Variants in ZNF567 observed in about 807,000 individuals in gnomAD.
The protein encoded by ZNF567 is zinc finger protein 567.
In ZNF567, 36 loss-of-function variants were observed where a neutral mutation model predicts 53.9. The observed-to-expected ratio is 0.67, with a 90% confidence interval of 0.51 to 0.88. The LOEUF is 0.88. Ranked by LOEUF, ZNF567 falls within the 40% of genes least tolerant of loss-of-function variation. The pLI is 0.00. For synonymous variants in ZNF567, 224 were observed against 260.4 expected (o/e 0.86, Z 1.35); for missense variants, 619 against 764.7 (o/e 0.81, Z 2.25).
downstream of ZNF567, among the ~76,000 whole-genome samples, chr19:36,721,732 C>CTTTTTTTTTTTTTTTTTTTTT (rs756276834): frequency 1.6e-5 from 2 of 121,672 alleles, no homozygotes; most frequent in Admixed American, 2.0e-4. Context: ...GTACCAGAGT[C>CTTTTTTTTTTTTTTTTTTTTT]TTTTTTTTTT....
At chr19:36,689,232 TGA>T (rs756898840) in intron 1 of ZNF567, among the ~76,000 whole-genome samples, 163 bp from the exon 2 acceptor site, 6 of 129,368 alleles carry the variant, frequency 4.6e-5, no homozygotes, top group African/African-American at 8.8e-5. Context: ...AATTCCTATT[TGA>T]GAGTGTGTGT....
Position 36,712,762 on chromosome 19 carries a change from T to C in ZNF567, c.137-19T>C, listed in dbSNP as rs1158487791. On this transcript the variant is annotated intron_variant, in intron 4 of 5. Transcript: ENST00000682579. ...GGTATTATAGCCCAATCAACTTAAG[T>C]CTTTTTTTCACTTTTCAGGGTGTCA... 1.9e-6 allele frequency: 3 copies of C among 1,609,540 alleles called. No individual in the cohort carries two copies. Among genetic ancestry groups the C allele is most frequent in the Non-Finnish European group, 1.7e-6 (2 of 1,177,516 alleles).
chr19:36,667,507 C>G, the ZNF567 span, among the ~76,000 whole-genome samples: 1 of 151,880 alleles, frequency 6.6e-6, no homozygotes, highest in Non-Finnish European at 1.5e-5. Flanking sequence ...CTCAAACAAA[C>G]AAACAAAACT....
intron 3 of ZNF567, among the ~76,000 whole-genome samples, chr19:36,700,132 AG>A (rs1405011263): frequency 2.9e-5 from 4 of 139,270 alleles, no homozygotes; most frequent in Non-Finnish European, 4.6e-5. Flanking sequence ...TTTAGCATGA[AG>A]GGTTGTTGAA....
At chr19:36,670,580 T>C in the ZNF567 span, among the ~76,000 whole-genome samples, 21 of 152,172 alleles carry the variant, frequency 1.4e-4, no homozygotes, top group South Asian at 6.2e-4. Context: ...AAATGTGGTT[T>C]TGTTGCTTAA....
At chr19:36,682,379 A>G in the ZNF567 span, among the ~76,000 whole-genome samples, 1 of 151,722 alleles carries the variant, frequency 6.6e-6, no homozygotes, top group East Asian at 1.9e-4. Flanking sequence ...ACTTAGAAAT[A>G]ATGTTGAGCA....
intron 3 of ZNF567, among the ~76,000 whole-genome samples, chr19:36,704,934 A>C (rs1297951820): frequency 6.6e-6 from 1 of 152,212 alleles, no homozygotes; most frequent in African/African-American, 2.4e-5. Context: ...GAGCTTTTGT[A>C]GTTTGTGACT....
chr19:36,708,645 A>G (rs1220072388), intron 3 of ZNF567, among the ~76,000 whole-genome samples: 1 of 151,922 alleles, frequency 6.6e-6, no homozygotes, highest in Non-Finnish European at 1.5e-5. Context: ...CCTCCCTGCT[A>G]CCCCCTGGAA....
rs576482004 is a variant in ZNF567, at chr19:36,702,177, C to G, written c.9+7301C>G. On this transcript the variant is annotated intron_variant, in intron 3 of 5. Coordinates refer to ENST00000682579, the MANE Select transcript of ZNF567 (RefSeq NM_001322917.1). ...TGTAAAGTATTGTATTTCTCCTTCA[C>G]TTATGAAGCTTAGTTTGGCTGGATA... 1.1e-4 allele frequency among the ~76,000 whole-genome samples: 16 copies of G among 152,144 alleles called. No homozygotes were observed. In the East Asian group the frequency reaches 2.7e-3, roughly 26 times the overall value.
chr19:36,725,468 G>T (rs979690415), downstream of ZNF567, among the ~76,000 whole-genome samples: 2 of 152,156 alleles, frequency 1.3e-5, no homozygotes, highest in African/African-American at 4.8e-5. Context: ...CTCCCAAAGT[G>T]CTGGGATCAC....
rs561552793 is a variant in ZNF567, at chr19:36,706,866, G to C, written c.10-5520G>C. 1.7e-4 allele frequency among the ~76,000 whole-genome samples: 26 copies of C among 151,694 alleles called. 1 individual carries two copies. The highest frequency in any genetic ancestry group is 6.3e-4 in the African/African-American group (26 of 41,364). On this transcript the variant is annotated intron_variant, in intron 3 of 5. Transcript: ENST00000682579. Reference sequence around the variant, plus strand: ...AGGTGGGGTCTCACTATGTTGCCTAGGCTGGTCTTGAACTCCTGGGTCCAA... The same window carrying C: ...AGGTGGGGTCTCACTATGTTGCCTACGCTGGTCTTGAACTCCTGGGTCCAA...
At chr19:36,692,392 A>G (rs2038663057) in intron 2 of ZNF567, among the ~76,000 whole-genome samples, 2 of 152,184 alleles carry the variant, frequency 1.3e-5, no homozygotes, top group Non-Finnish European at 2.9e-5. Flanking sequence ...TATTTTTTAG[A>G]GACAGAGTCT....
At chr19:36,723,369 C>T, downstream of ZNF567, 1 of 638,924 alleles carries the variant, frequency 1.6e-6, no homozygotes, top group Non-Finnish European at 2.8e-6. Flanking sequence ...GCTGCCCTGT[C>T]TCCTGATTTA....
intron 3 of ZNF567, among the ~76,000 whole-genome samples, chr19:36,700,317 C>A (rs78855835): frequency 2.7e-5 from 4 of 145,870 alleles, no homozygotes; most frequent in African/African-American, 1.0e-4. Context: ...CTGCTGGATT[C>A]GGTTTGCCAG....
chr19:36,671,275 C>G, the ZNF567 span, among the ~76,000 whole-genome samples: 1 of 152,160 alleles, frequency 6.6e-6, no homozygotes. Context: ...GGCCTTCTAC[C>G]TCACTGAAAT....
rs2040273502 is a variant in ZNF567, at chr19:36,720,745, A to G, written c.*77A>G. On this transcript the variant is annotated 3_prime_UTR_variant, in exon 6 of 6. Coordinates refer to ENST00000682579, the MANE Select transcript of ZNF567 (RefSeq NM_001322917.1). ...TTTAAAAAGAAAAGCATGCTGAAAC[A>G]TGTTAATGTAATTTTAAATCACAAG... 1.6e-6 allele frequency: 2 copies of G among 1,289,140 alleles called. No homozygotes were observed. 79.9% of individuals were successfully genotyped at this position (1,289,140 alleles called of 1,614,324 possible). A position where few individuals can be genotyped will look rare whatever the true frequency, so the allele number is the denominator to read the frequency against.
the ZNF567 span, among the ~76,000 whole-genome samples, chr19:36,671,878 T>G: frequency 1.3e-5 from 2 of 152,198 alleles, no homozygotes; most frequent in African/African-American, 4.8e-5. Context: ...TCATAAAATT[T>G]AAGTGGTATA....
At chr19:36,690,832 A>T (rs1370056218) in intron 2 of ZNF567, among the ~76,000 whole-genome samples, 1 of 152,340 alleles carries the variant, frequency 6.6e-6, no homozygotes, top group African/African-American at 2.4e-5. Flanking sequence ...GCTGTCATTT[A>T]AAAAATCTTG....
At chr19:36,692,353 G>A (rs181662972) in intron 2 of ZNF567, among the ~76,000 whole-genome samples, 78 of 152,208 alleles carry the variant, frequency 5.1e-4, no homozygotes, top group Middle Eastern at 3.4e-3. Context: ...GGTGCATTGT[G>A]TAATGACAAT....
Sources: allele counts gnomAD v4.1 joint callset (sites outside exome capture counted in the v4.1 genomes callset), GRCh38; gene constraint gnomAD v4.1.1; transcripts MANE v1.5; gene names NCBI Gene and HGNC (gene_info 2026-07-23, HGNC 2026-07-21).